Variants in ADCY4 observed in about 807,000 individuals in gnomAD.
The protein encoded by ADCY4 is adenylate cyclase type 4.
Under a neutral mutation model 125.5 loss-of-function variants are expected in ADCY4, and 111 were observed. The ratio of observed to expected loss-of-function variants is 0.88; its 90% CI spans 0.76 to 1.04. ADCY4 has a LOEUF of 1.04. Ranked by LOEUF, ADCY4 falls within the 50% of genes least tolerant of loss-of-function variation. The pLI, the probability that ADCY4 is intolerant of heterozygous loss-of-function variation, is 0.00. For missense variants in ADCY4, 1,256 were observed against 1,382.9 expected (o/e 0.91, Z 1.46); for synonymous variants, 576 against 586.9 (o/e 0.98, Z 0.27).
At chr14:24,322,870 G>A (rs774545029) in intron 18 of ADCY4, 34 bp downstream of exon 18, 3 of 1,561,804 alleles carry the variant, frequency 1.9e-6, no homozygotes, top group Non-Finnish European at 2.6e-6. Flanking sequence ...CCATCCCAGG[G>A]GGCCCGGCAC....
chr14:24,322,706 G>A lies in ADCY4; in HGVS notation c.2345C>T (p.Pro782Leu), dbSNP rs1566432712. 2.5e-6 allele frequency: 4 copies of A among 1,613,718 alleles called. No individual in the cohort carries two copies. The highest frequency in any genetic ancestry group is 3.3e-5 in the Admixed American group (2 of 59,960). ...CAGTTTGGGCTCCTTCAGCACTCCG[G>A]GCCTGAAGGGGCCATGGATCAGGGT... ...RLYLGPLDSR[P>L]GVLKEPKLMG... The change falls in exon 19 of 25, where the codon CCC becomes CTC. Residue 782 changes from proline to leucine, a missense_variant and splice_region_variant. Coordinates refer to ENST00000418030, the MANE Select transcript of ADCY4 (RefSeq NM_001198568.2).
chr14:24,318,618 C>G (rs1010672535), intron 24 of ADCY4, 36 bp downstream of exon 24: 44 of 1,614,006 alleles, frequency 2.7e-5, no homozygotes, highest in Non-Finnish European at 3.4e-5. Context: ...TATTCTTAGT[C>G]CCCCTCCCCC....
chr14:24,325,506 G>A, intron 13 of ADCY4, 32 bp from the exon 14 acceptor site: 2 of 1,572,998 alleles, frequency 1.3e-6, no homozygotes, highest in Non-Finnish European at 1.7e-6. Flanking sequence ...GTGGAGACAG[G>A]GTCCAGTGCT....
rs751220180 is a variant in ADCY4 at position 24,330,225 on chromosome 14, A to T, written c.1001T>A (p.Leu334Gln). Residue 334 changes from leucine to glutamine, a missense_variant, in exon 7 of 25, where the codon CTG (leucine) becomes CAG (glutamine). Transcript: ENST00000418030. ...CACGCAGTTGATGGCATGGTCTGGCAGTGAGAGTGGCAGCCCAGAGACACA... is the reference window on the plus strand; with the variant it reads ...CACGCAGTTGATGGCATGGTCTGGCTGTGAGAGTGGCAGCCCAGAGACACA... ...YYCVSGLPLSLPDHAINCVRM... is the reference protein window; with the variant it reads ...YYCVSGLPLSQPDHAINCVRM... The T allele has an allele frequency of 7.4e-6, 12 of 1,614,212 alleles. No homozygotes were observed. In the South Asian group the frequency reaches 1.3e-4, roughly 18 times the overall value.
In ADCY4 at chr14:24,329,954, G is replaced by A; in HGVS notation, c.1123C>T (p.Leu375=). 6.2e-7 allele frequency: 1 copy of A among 1,614,118 alleles called. No homozygotes were observed. Among genetic ancestry groups the A allele is most frequent in the Non-Finnish European group, 8.5e-7 (1 of 1,180,010 alleles). The change falls in exon 8 of 25, where the codon CTG becomes TTG. Residue 375 remains leucine (L), a synonymous_variant. Coordinates refer to ENST00000418030, the MANE Select transcript of ADCY4 (RefSeq NM_001198568.2). ...TTCTGCAGCCCGATGACTCCACACA[G>A]TACGCTGCCTGAGTGCACGCCCACA... is the stretch of plus-strand genomic sequence containing the variant. ...MRVGVHSGSV[L]CGVIGLQKWQ...
chr14:24,322,659 T>C lies in ADCY4; in HGVS notation c.2392A>G (p.Ile798Val), dbSNP rs1555316073. The C allele has an allele frequency of 2.1e-5, 34 of 1,614,122 alleles. No individual in the cohort carries two copies. The South Asian group carries it at 3.3e-4, about 16-fold the overall frequency. Reference protein sequence around the residue: ...PKLMGAISFFIFFFTLLVLAR... With the variant: ...PKLMGAISFFVFFFTLLVLAR... The stretch of plus-strand genomic sequence containing the variant: ...AGGACAAGGAGGGTGAAGAAGAAGA[T>C]GAAGAAGGAGATAGCACCCATCAGT... The change falls in exon 19 of 25, where the codon ATC becomes GTC. Residue 798 changes from isoleucine (I) to valine (V), a missense_variant. Coordinates refer to ENST00000418030, the MANE Select transcript of ADCY4 (RefSeq NM_001198568.2).
chr14:24,329,974 C>T lies in ADCY4; in HGVS notation c.1103G>A (p.Gly368Asp). ...ACACAGTACGCTGCCTGAGTGCACGCCCACACGCATGTTGATGTCCACGCC... is the reference window on the plus strand; with the variant it reads ...ACACAGTACGCTGCCTGAGTGCACGTCCACACGCATGTTGATGTCCACGCC... ...ATGVDINMRV[G>D]VHSGSVLCGV... The change falls in exon 8 of 25, where the codon GGC (glycine) becomes GAC (aspartate). Residue 368 changes from glycine to aspartate, a missense_variant. Transcript: ENST00000418030. 6.2e-7 allele frequency: 1 copy of T among 1,614,108 alleles called. No homozygotes were observed. Among genetic ancestry groups the T allele is most frequent in the Middle Eastern group, 1.6e-4 (1 of 6,062 alleles).
At chr14:24,326,569 CTT>C (rs1349519204) in intron 10 of ADCY4, 4 of 511,898 alleles carry the variant, frequency 7.8e-6, no homozygotes, top group Non-Finnish European at 1.0e-5. Flanking sequence ...CTCCCAGGAT[CTT>C]TGTGTGTGTG....
intron 10 of ADCY4, 155 bp downstream of exon 10, chr14:24,328,906 G>C (rs139670111): frequency 2.1e-6 from 2 of 954,330 alleles, no homozygotes; most frequent in Non-Finnish European, 3.1e-6. Flanking sequence ...GCCTGAACCA[G>C]TGACTGGGGT....
At position 24,326,077 on chromosome 14, in the gene ADCY4, A is replaced by G; in HGVS notation, c.1655+2T>C. The G allele has an allele frequency of 6.4e-7, 1 of 1,574,444 alleles. No homozygotes were observed. Among genetic ancestry groups the G allele is most frequent in the Non-Finnish European group, 8.6e-7 (1 of 1,158,294 alleles). On this transcript the variant is annotated splice_donor_variant, in intron 12 of 24. Coordinates refer to ENST00000418030, the MANE Select transcript of ADCY4 (RefSeq NM_001198568.2). LOFTEE classifies it high-confidence loss of function. Reference sequence around the variant, plus strand: ...CCCCCCAGCCCTCTTTGTTCTCCGTACTTCTGCGAGTTGAGCTGCTCAATG... The same window carrying G: ...CCCCCCAGCCCTCTTTGTTCTCCGTGCTTCTGCGAGTTGAGCTGCTCAATG...
chr14:24,330,595 G>A (rs867459801), intron 6 of ADCY4: 1 of 360,814 alleles, frequency 2.8e-6, no homozygotes. Context: ...TGAGAGGTTG[G>A]GGGGAATCCA....
In ADCY4 at chr14:24,324,052, C is replaced by T. The variant is rs1466353296; in HGVS notation, c.2046+10G>A. ...CTCATGGGGGTGGATAGGGCCCCCT[C>T]TGTCCTCACCAGGCTGGTAATGGCC... On this transcript the variant is annotated intron_variant, in intron 16 of 24. Coordinates refer to ENST00000418030, the MANE Select transcript of ADCY4 (RefSeq NM_001198568.2). 6.2e-7 allele frequency: 1 copy of T among 1,613,470 alleles called. No homozygotes were observed. Among genetic ancestry groups the T allele is most frequent in the Admixed American group, 1.7e-5 (1 of 60,006 alleles).
At chr14:24,321,077 A>G (rs2139193620) in intron 20 of ADCY4, among the ~76,000 whole-genome samples, 1 of 149,568 alleles carries the variant, frequency 6.7e-6, no homozygotes, top group Non-Finnish European at 1.5e-5. Flanking sequence ...GGTTGGTGCA[A>G]AATTAATTGC....
chr14:24,333,880 C>T (rs951892510), intron 1 of ADCY4, among the ~76,000 whole-genome samples: 1 of 152,168 alleles, frequency 6.6e-6, no homozygotes, highest in Non-Finnish European at 1.5e-5. Flanking sequence ...GCAGAAGCTG[C>T]ACAGCCGTCC....
chr14:24,322,494 AGAAAG>A (rs2041867686), intron 19 of ADCY4, 125 bp downstream of exon 19: 1 of 1,027,444 alleles, frequency 9.7e-7, no homozygotes, highest in Non-Finnish European at 1.4e-6. Flanking sequence ...GTGAAGGAGA[AGAAAG>A]GAAGCAGGAA....
intron 24 of ADCY4, 22 bp from the exon 25 acceptor site, chr14:24,318,590 G>A: frequency 6.2e-7 from 1 of 1,614,036 alleles, no homozygotes; most frequent in Non-Finnish European, 8.5e-7. Context: ...GGGGGGCGAG[G>A]GAATATGGAG....
chr14:24,325,520 C>T (rs1289524398), intron 13 of ADCY4, 46 bp from the exon 14 acceptor site: 2 of 1,535,348 alleles, frequency 1.3e-6, no homozygotes, highest in Non-Finnish European at 1.8e-6. Flanking sequence ...CAGTGCTACC[C>T]ATCACCTTGA....
In ADCY4 at chr14:24,322,627, G is replaced by C; in HGVS notation, c.2424C>G (p.Arg808=). ...GGGGCTGAGCTGGGTGACTTACCTG[G>C]CGAGCCAGGACAAGGAGGGTGAAGA... ...IFFFTLLVLA[R]QNEYYCRLDF... The change falls in exon 19 of 25, where the codon CGC becomes CGG. Residue 808 remains arginine, a synonymous_variant. Coordinates refer to ENST00000418030, the MANE Select transcript of ADCY4 (RefSeq NM_001198568.2). 6.2e-7 allele frequency: 1 copy of C among 1,614,090 alleles called. No homozygotes were observed. The highest frequency in any genetic ancestry group is 1.1e-5 in the South Asian group (1 of 91,086).
At chr14:24,332,450 A>C in intron 3 of ADCY4, 72 bp downstream of exon 3, 1 of 1,484,500 alleles carries the variant, frequency 6.7e-7, no homozygotes, top group South Asian at 1.3e-5. Context: ...CAGCTCAACA[A>C]CCCCCTAAAA....
Sources: gnomAD v4.1 joint callset for allele counts (sites outside exome capture counted in the v4.1 genomes callset) on GRCh38, gnomAD v4.1.1 for gene constraint, MANE v1.5 for transcripts, NCBI Gene and HGNC (gene_info 2026-07-23, HGNC 2026-07-21) for gene names.